The following AQR variants were observed in gnomAD, a reference collection of about 807,000 sequenced individuals.
The protein encoded by AQR is aquarius intron-binding spliceosomal factor.
AQR carries 61 observed loss-of-function variants against 180.5 expected under a neutral mutation model. The observed-to-expected ratio is 0.34, with a 90% confidence interval of 0.28 to 0.42. AQR has a LOEUF of 0.42. Ranked by LOEUF, AQR falls within the 10% of genes least tolerant of loss-of-function variation. The pLI, the probability that AQR is intolerant of heterozygous loss-of-function variation, is 1.00. For synonymous variants in AQR, 551 were observed against 588.8 expected, an observed-to-expected ratio of 0.94 and a Z score of 0.93; for missense variants, 1,281 against 1,798.3, an observed-to-expected ratio of 0.71 and a Z score of 5.20.
chr15:34,865,999 T>C (rs1337606000), intron 32 of AQR, among the ~76,000 whole-genome samples: 2 of 152,048 alleles, frequency 1.3e-5, no homozygotes, highest in African/African-American at 4.8e-5. Context: ...GCTGTTAATA[T>C]ACAAAAAAAT....
At chr15:34,879,177 C>T (rs1438796091) in intron 27 of AQR, among the ~76,000 whole-genome samples, 37 of 152,082 alleles carry the variant, frequency 2.4e-4, no homozygotes, top group Non-Finnish European at 1.2e-4. Context: ...AAATTGTATC[C>T]CAAAGAGTTA....
intron 6 of AQR, chr15:34,943,496 A>C (rs1313002920): frequency 2.3e-6 from 1 of 443,350 alleles, no homozygotes; most frequent in Non-Finnish European, 3.5e-6. Context: ...TAAATGTTAA[A>C]GAGATAACAG....
intron 19 of AQR, among the ~76,000 whole-genome samples, chr15:34,901,662 A>G (rs1299634664): frequency 1.3e-5 from 2 of 152,192 alleles, no homozygotes; most frequent in Non-Finnish European, 2.9e-5. Context: ...TTTGAAAACG[A>G]TAAGATAGTA....
chr15:34,911,813 A>C (rs1893503596), intron 16 of AQR, among the ~76,000 whole-genome samples: 1 of 151,668 alleles, frequency 6.6e-6, no homozygotes, highest in Non-Finnish European at 1.5e-5. Flanking sequence ...CCATTTACTT[A>C]TTTTTGCTTT....
Position 34,895,125 on chromosome 15 carries a change from A to ACACTT in AQR, c.2461-1357_2461-1353dup, listed in dbSNP as rs1210868286. On this transcript the variant is annotated intron_variant, in intron 22 of 34. Transcript: ENST00000156471. ...TGCAGTGAGCTAAGATGGTGCCACTACACTTCAGCCTGGGCTAAAAAGTAA... is the reference window on the plus strand; with the variant it reads ...TGCAGTGAGCTAAGATGGTGCCACTACACTTCACTTCAGCCTGGGCTAAAAAGTAA... Among the ~76,000 whole-genome samples, 3 of 134,028 alleles carry ACACTT rather than the reference A, an allele frequency of 2.2e-5. No individual in the cohort carries two copies. The Admixed American group carries it at 2.4e-4, about 11-fold the overall frequency. 87.9% of individuals were successfully genotyped at this position (134,028 alleles called of 152,430 possible).
At chr15:34,942,503 T>C (rs927634064) in intron 6 of AQR, among the ~76,000 whole-genome samples, 1 of 152,210 alleles carries the variant, frequency 6.6e-6, no homozygotes, top group Non-Finnish European at 1.5e-5. Context: ...CTTGTGCTTT[T>C]TGATGATTTC....
chr15:34,865,217 A>C (rs1303355829), intron 32 of AQR, among the ~76,000 whole-genome samples: 1 of 152,170 alleles, frequency 6.6e-6, no homozygotes, highest in African/African-American at 2.4e-5. Context: ...CCCTATGAGG[A>C]AACAACAGAG....
intron 13 of AQR, among the ~76,000 whole-genome samples, chr15:34,926,395 A>G (rs752830783): frequency 4.6e-5 from 7 of 152,312 alleles, no homozygotes; most frequent in East Asian, 3.9e-4. Flanking sequence ...ATAGTAGTTA[A>G]AAGTTAGGGC....
At chr15:34,955,105 A>G (rs533012831) in intron 3 of AQR, among the ~76,000 whole-genome samples, 3 of 152,198 alleles carry the variant, frequency 2.0e-5, no homozygotes, top group Non-Finnish European at 4.4e-5. Flanking sequence ...CCCAGGTGAC[A>G]GAGTGAGTCT....
chr15:34,947,273 G>A (rs1221189842), intron 5 of AQR, among the ~76,000 whole-genome samples: 9 of 151,686 alleles, frequency 5.9e-5, no homozygotes, highest in African/African-American at 1.2e-4. Context: ...GATTAAGGGC[G>A]GTGCAAGATG....
At chr15:34,947,135 CAT>C (rs1339244937) in intron 5 of AQR, among the ~76,000 whole-genome samples, 3 of 151,664 alleles carry the variant, frequency 2.0e-5, no homozygotes, top group African/African-American at 7.3e-5. Flanking sequence ...AAGAGGTAGA[CAT>C]GGGAGACTTT....
chr15:34,934,626 G>T lies in AQR; in HGVS notation c.728C>A (p.Thr243Asn). 6.3e-7 allele frequency: 1 copy of T among 1,582,900 alleles called. No individual in the cohort carries two copies. Among genetic ancestry groups the T allele is most frequent in the Non-Finnish European group, 8.6e-7 (1 of 1,167,372 alleles). ...LKSVPLSEPV[T>N]MDKVHYCERF... ...TTCACAGTAATGAACTTTGTCCATA[G>T]TGACAGGTTCTAGACATAAGAGAGA... The change falls in exon 10 of 35, where the codon ACT becomes AAT. Residue 243 changes from threonine (T) to asparagine (N), a missense_variant. Physicochemically the swap from Thr to Asn is moderately conservative, Grantham distance 65. Around this residue, in one of 9 missense-constraint regions of AQR, gnomAD observed 404 missense variants for 490.9 expected, o/e 0.82. Coordinates refer to ENST00000156471, the MANE Select transcript of AQR (RefSeq NM_014691.3).
At chr15:34,862,813 C>T in intron 33 of AQR, 54 bp downstream of exon 33, 4 of 1,585,338 alleles carry the variant, frequency 2.5e-6, no homozygotes, top group Non-Finnish European at 3.5e-6. Context: ...ATAAGAAAAT[C>T]CCAATTTCCA....
rs754478207 is a variant in AQR at position 34,942,037 on chromosome 15, A to C, written c.515T>G (p.Leu172Arg). Residue 172 changes from leucine (L) to arginine (R), a missense_variant, in exon 7 of 35, where the codon CTC (leucine) becomes CGC (arginine). By Grantham distance (102) the Leu-to-Arg change is moderately radical (BLOSUM62 -2). Around this residue, in one of 9 missense-constraint regions of AQR, gnomAD observed 404 missense variants for 490.9 expected, o/e 0.82. Transcript: ENST00000156471. ...IRSQVQQLIS[L>R]PMWMGLQLAR... Reference sequence around the variant, plus strand: ...CAGCTGTAAGCCCATCCACATTGGGAGGGAGATAAGCTGCTGTACTTGACT... The same window carrying C: ...CAGCTGTAAGCCCATCCACATTGGGCGGGAGATAAGCTGCTGTACTTGACT... The C allele has an allele frequency of 6.2e-7, 1 of 1,612,478 alleles. No homozygotes were observed. Among genetic ancestry groups the C allele is most frequent in the East Asian group, 2.2e-5 (1 of 44,796 alleles).
intron 19 of AQR, among the ~76,000 whole-genome samples, chr15:34,902,458 C>T (rs1163497486): frequency 2.0e-5 from 3 of 152,048 alleles, no homozygotes; most frequent in East Asian, 3.9e-4. Flanking sequence ...TAATCATTCC[C>T]CCTCTTTCTT....
At chr15:34,968,970 G>A (rs1054221908) in intron 1 of AQR, among the ~76,000 whole-genome samples, 1 of 152,320 alleles carries the variant, frequency 6.6e-6, no homozygotes, top group East Asian at 1.9e-4. Flanking sequence ...CCACAGGACT[G>A]TGGTTCCCTA....
At position 34,938,749 on chromosome 15, in the gene AQR, C is replaced by A; in HGVS notation, c.706G>T (p.Val236Phe). 1.9e-6 allele frequency: 3 copies of A among 1,599,316 alleles called. No individual in the cohort carries two copies. Reference protein sequence around the residue: ...IQKFISVLKSVPLSEPVTMDK... With the variant: ...IQKFISVLKSFPLSEPVTMDK... ...AAAAAGAAGATACCAGAAAGTGGGA[C>A]TGATTTCAGCACAGAGATAAACTTC... The change falls in exon 9 of 35, where the codon GTC becomes TTC. Residue 236 changes from valine to phenylalanine, a missense_variant. Transcript: ENST00000156471.
At chr15:34,927,892 T>A (rs1893789503) in intron 12 of AQR, among the ~76,000 whole-genome samples, 1 of 152,138 alleles carries the variant, frequency 6.6e-6, no homozygotes, top group African/African-American at 2.4e-5. Flanking sequence ...GAGAATGAAC[T>A]GTGTAAACAA....
chr15:34,899,740 C>A (rs115030296), intron 20 of AQR, among the ~76,000 whole-genome samples: 1 of 151,944 alleles, frequency 6.6e-6, no homozygotes, highest in African/African-American at 2.4e-5. Flanking sequence ...AGAAAGTAAT[C>A]TGTGGGCTAC....
Sources: allele counts gnomAD v4.1 joint callset (sites outside exome capture counted in the v4.1 genomes callset), GRCh38; gene constraint gnomAD v4.1.1; regional missense constraint gnomAD v4.1.1; transcripts MANE v1.5; gene names NCBI Gene and HGNC (gene_info 2026-07-23, HGNC 2026-07-21).